GUCY1A1: variants seen among roughly 807,000 people sequenced by gnomAD.
GUCY1A1 encodes guanylate cyclase 1 soluble subunit alpha 1.
GUCY1A1 carries 48 observed loss-of-function variants against 64.5 expected under a neutral mutation model. That is an observed-to-expected ratio of 0.74 (90% confidence interval 0.59 to 0.95). The LOEUF is 0.95. GUCY1A1 is among the 40% of genes least tolerant of loss of function. The pLI, the probability that GUCY1A1 is intolerant of heterozygous loss-of-function variation, is 0.00. For synonymous variants in GUCY1A1, 308 were observed against 303.4 expected (o/e 1.02, Z -0.16); for missense variants, 804 against 825.3 (o/e 0.97, Z 0.32).
chr4:155,726,180 C>A (rs1041699616), intron 9 of GUCY1A1, among the ~76,000 whole-genome samples: 1 of 151,814 alleles, frequency 6.6e-6, no homozygotes, highest in Non-Finnish European at 1.5e-5. Context: ...AGTTTACTTT[C>A]TTTTTATTCT....
chr4:155,695,395 A>G (rs1730284183), intron 2 of GUCY1A1, among the ~76,000 whole-genome samples: 1 of 152,218 alleles, frequency 6.6e-6, no homozygotes, highest in Non-Finnish European at 1.5e-5. Flanking sequence ...TTCAAATATA[A>G]GGCTGAATCT....
intron 2 of GUCY1A1, among the ~76,000 whole-genome samples, chr4:155,685,070 T>TAA (rs1728803119): frequency 6.6e-6 from 1 of 152,164 alleles, no homozygotes; most frequent in South Asian, 2.1e-4. Flanking sequence ...GCTCTGTAGT[T>TAA]AGATAGGGTT....
At position 155,732,931 on chromosome 4, in the gene GUCY1A1, T is replaced by C. The variant is rs1735702970; in HGVS notation, c.*2700T>C. On this transcript the variant is annotated 3_prime_UTR_variant, in exon 10 of 10. Coordinates refer to ENST00000506455, the MANE Select transcript of GUCY1A1 (RefSeq NM_001130682.3). The stretch of plus-strand genomic sequence containing the variant: ...TATTTCTCAGGCAAGCACAGAGTTA[T>C]ACTGAACTTTTCTAAAGATGCTTTG... Among the ~76,000 whole-genome samples, 1 of 151,918 alleles carries C rather than the reference T, an allele frequency of 6.6e-6. No homozygotes were observed. Among genetic ancestry groups the C allele is most frequent in the African/African-American group, 2.4e-5 (1 of 41,398 alleles).
intron 6 of GUCY1A1, 25 bp downstream of exon 6, chr4:155,711,276 G>C (rs1179550113): frequency 3.4e-6 from 4 of 1,166,526 alleles, no homozygotes; most frequent in Non-Finnish European, 5.1e-6. Flanking sequence ...ATACTATCTT[G>C]AATATGAAAG....
At chr4:155,696,447 A>AGTTTTAC (rs1192777054) in intron 2 of GUCY1A1, among the ~76,000 whole-genome samples, 125 of 152,348 alleles carry the variant, frequency 8.2e-4, no homozygotes, top group African/African-American at 1.2e-3. Context: ...CACTCTTGTG[A>AGTTTTAC]AATCAAACTG....
Position 155,721,733 on chromosome 4 carries a change from T to C in GUCY1A1, c.1717-305T>C, listed in dbSNP as rs1237980407. On this transcript the variant is annotated intron_variant, in intron 8 of 9. Transcript: ENST00000506455. ...TAAACAGCTCATATCCCCCTTGCTA[T>C]GTTGCTGTGGTTACTATGATCCCTG... 2.6e-5 allele frequency among the ~76,000 whole-genome samples: 4 copies of C among 152,128 alleles called. No homozygotes were observed. In the East Asian group the frequency reaches 7.7e-4, roughly 29 times the overall value.
At chr4:155,676,072 G>C (rs1734873032) in intron 2 of GUCY1A1, among the ~76,000 whole-genome samples, 1 of 151,404 alleles carries the variant, frequency 6.6e-6, no homozygotes, top group South Asian at 2.1e-4. Context: ...TGAAGAGGTT[G>C]CCCAATAGCA....
At chr4:155,681,515 A>T (rs1377061453) in intron 2 of GUCY1A1, among the ~76,000 whole-genome samples, 4 of 152,092 alleles carry the variant, frequency 2.6e-5, no homozygotes, top group Non-Finnish European at 5.9e-5. Flanking sequence ...CTTATTCAAA[A>T]TTTTGCCTTA....
chr4:155,682,621 G>A (rs977874975), intron 2 of GUCY1A1, among the ~76,000 whole-genome samples: 3 of 151,594 alleles, frequency 2.0e-5, no homozygotes, highest in Non-Finnish European at 2.9e-5. Context: ...GCAGTGAGCC[G>A]AGATCATGCC....
At position 155,717,267 on chromosome 4, in the gene GUCY1A1, G is replaced by A; in HGVS notation, c.1681G>A (p.Asp561Asn). 1 of 1,596,306 alleles carries A rather than the reference G, an allele frequency of 6.3e-7. No homozygotes were observed. The highest frequency in any genetic ancestry group is 8.6e-7 in the Non-Finnish European group (1 of 1,169,480). ...LMALKMMELSDEVMSPHGEPI... is the reference protein window; with the variant it reads ...LMALKMMELSNEVMSPHGEPI... ...GGCCCTGAAGATGATGGAGCTCTCT[G>A]ATGAAGTTATGTCTCCCCATGGAGA... The change falls in exon 8 of 10, where the codon GAT becomes AAT. Residue 561 changes from aspartate to asparagine, a missense_variant. Physicochemically the swap from Asp to Asn is conservative, Grantham distance 23. Transcript: ENST00000506455.
At chr4:155,715,572 G>A (rs1034595042) in intron 7 of GUCY1A1, among the ~76,000 whole-genome samples, 11 of 152,178 alleles carry the variant, frequency 7.2e-5, no homozygotes, top group Admixed American at 1.3e-4. Context: ...TCCATATGAC[G>A]TGACGAAGGG....
At chr4:155,717,549 T>C (rs757788379) in intron 8 of GUCY1A1, among the ~76,000 whole-genome samples, 1 of 152,164 alleles carries the variant, frequency 6.6e-6, no homozygotes, top group East Asian at 1.9e-4. Context: ...AAAAAATGTT[T>C]CCCATAGTAT....
intron 2 of GUCY1A1, among the ~76,000 whole-genome samples, chr4:155,688,305 A>ATG (rs1430854992): frequency 7.8e-4 from 119 of 151,710 alleles, no homozygotes; most frequent in Middle Eastern, 3.4e-3. Flanking sequence ...GTAAGTATGT[A>ATG]TGTATGTGTG....
rs1162452473 is a variant in GUCY1A1, at chr4:155,704,866, A to G, written c.317+873A>G. ...CAAAAAACTGAGATTAAGGGCATGG[A>G]CCTAAAGTTACTTTTTTAAAATTTA... is the stretch of plus-strand genomic sequence containing the variant. On this transcript the variant is annotated intron_variant, in intron 4 of 9. Transcript: ENST00000506455. Among the ~76,000 whole-genome samples, 3 of 151,972 alleles carry G rather than the reference A, an allele frequency of 2.0e-5. No homozygotes were observed. The East Asian group carries it at 5.8e-4, about 29-fold the overall frequency.
intron 2 of GUCY1A1, among the ~76,000 whole-genome samples, chr4:155,686,792 A>G (rs1729052586): frequency 6.6e-6 from 1 of 152,240 alleles, no homozygotes; most frequent in Non-Finnish European, 1.5e-5. Flanking sequence ...AAAATTCAAC[A>G]TAGTCACCCA....
intron 2 of GUCY1A1, among the ~76,000 whole-genome samples, chr4:155,689,552 T>C (rs1400249665): frequency 6.6e-6 from 1 of 152,184 alleles, no homozygotes; most frequent in African/African-American, 2.4e-5. Flanking sequence ...CTGTAAATAC[T>C]TTGATAAAAA....
intron 2 of GUCY1A1, among the ~76,000 whole-genome samples, chr4:155,689,787 G>C (rs549252085): frequency 6.6e-6 from 1 of 152,160 alleles, no homozygotes; most frequent in Non-Finnish European, 1.5e-5. Flanking sequence ...GCCACCCGGC[G>C]AGTCGGGGGG....
chr4:155,719,862 T>C (rs1733735259), intron 8 of GUCY1A1, among the ~76,000 whole-genome samples: 1 of 152,184 alleles, frequency 6.6e-6, no homozygotes, highest in South Asian at 2.1e-4. Context: ...AAATAGAAGA[T>C]GCCCTTAGTA....
intron 8 of GUCY1A1, among the ~76,000 whole-genome samples, chr4:155,720,594 A>T (rs185958068): frequency 1.3e-5 from 2 of 152,278 alleles, no homozygotes; most frequent in East Asian, 3.9e-4. Flanking sequence ...TTGTTAGAAT[A>T]CAAAGTTCCT....
Sources: gnomAD v4.1 joint callset for allele counts (sites outside exome capture counted in the v4.1 genomes callset) on GRCh38, gnomAD v4.1.1 for gene constraint, MANE v1.5 for transcripts, NCBI Gene and HGNC (gene_info 2026-07-23, HGNC 2026-07-21) for gene names.